The following DCP1B variants were observed in gnomAD, a reference collection of about 807,000 sequenced individuals.
DCP1B encodes mRNA-decapping enzyme 1B.
A neutral mutation model predicts 60.5 loss-of-function variants in DCP1B; 47 were observed. The observed-to-expected ratio is 0.78, with a 90% confidence interval of 0.61 to 0.99. The LOEUF is 0.99. DCP1B is among the 50% of genes least tolerant of loss of function. DCP1B has a pLI of 0.00. For missense variants in DCP1B, 725 were observed against 756.8 expected, an observed-to-expected ratio of 0.96 and a Z score of 0.49; for synonymous variants, 267 against 280.3, an observed-to-expected ratio of 0.95 and a Z score of 0.47.
At chr12:1,951,995 G>A (rs980345439) in intron 7 of DCP1B, among the ~76,000 whole-genome samples, 2 of 152,168 alleles carry the variant, frequency 1.3e-5, no homozygotes, top group East Asian at 1.9e-4. Flanking sequence ...AAAGGTTGGG[G>A]GAAGTTCTCA....
intron 3 of DCP1B, among the ~76,000 whole-genome samples, chr12:1,979,211 G>C (rs548439492): frequency 1.3e-5 from 2 of 152,128 alleles, no homozygotes; most frequent in South Asian, 4.2e-4. Flanking sequence ...ATGGGGTTTC[G>C]CCATGTTGGC....
chr12:1,974,056 C>G (rs994519396), intron 3 of DCP1B, among the ~76,000 whole-genome samples: 1 of 152,186 alleles, frequency 6.6e-6, no homozygotes, highest in Non-Finnish European at 1.5e-5. Context: ...CTCCACTAGA[C>G]TATAAGCTCC....
chr12:1,941,963 C>A (rs2030290574), downstream of DCP1B, among the ~76,000 whole-genome samples: 1 of 152,136 alleles, frequency 6.6e-6, no homozygotes, highest in Non-Finnish European at 1.5e-5. Flanking sequence ...TGTAAATGGG[C>A]TAAATGCCCC....
chr12:1,952,281 C>A, intron 7 of DCP1B, 135 bp downstream of exon 7: 2 of 1,108,590 alleles, frequency 1.8e-6, no homozygotes, highest in Admixed American at 3.3e-5. Flanking sequence ...TCAAGGGATC[C>A]TCCCACCTCA....
At chr12:1,944,473 C>G (rs982107086), downstream of DCP1B, among the ~76,000 whole-genome samples, 6 of 152,098 alleles carry the variant, frequency 3.9e-5, no homozygotes, top group African/African-American at 1.4e-4. Flanking sequence ...CCCGTATAGC[C>G]AAGACAATCC....
At chr12:1,944,387 C>T (rs1421958499), downstream of DCP1B, among the ~76,000 whole-genome samples, 2 of 152,148 alleles carry the variant, frequency 1.3e-5, no homozygotes, top group East Asian at 3.8e-4. Flanking sequence ...CAATGCTATC[C>T]CCATCAAGCT....
At chr12:1,941,741 C>G (rs972256897), downstream of DCP1B, among the ~76,000 whole-genome samples, 1 of 152,128 alleles carries the variant, frequency 6.6e-6, no homozygotes, top group Non-Finnish European at 1.5e-5. Context: ...TTCTAACAGT[C>G]AGGCCCCTCT....
intron 4 of DCP1B, 55 bp from the exon 5 acceptor site, chr12:1,965,748 T>G: frequency 6.4e-7 from 1 of 1,552,636 alleles, no homozygotes; most frequent in South Asian, 1.2e-5. Context: ...ACACAAACAA[T>G]GTTTAAAACC....
intron 3 of DCP1B, among the ~76,000 whole-genome samples, chr12:1,989,644 T>C (rs1593177663): frequency 6.6e-6 from 1 of 151,192 alleles, no homozygotes; most frequent in African/African-American, 2.4e-5. Context: ...ACTTGGGAGG[T>C]GGAGGCTGCA....
chr12:1,973,853 C>T (rs562306510), intron 3 of DCP1B, among the ~76,000 whole-genome samples: 1 of 152,276 alleles, frequency 6.6e-6, no homozygotes, highest in African/African-American at 2.4e-5. Context: ...TGAAAAATTT[C>T]AAAATCTCCT....
chr12:1,967,748 G>T, intron 4 of DCP1B, 96 bp downstream of exon 4: 2 of 994,950 alleles, frequency 2.0e-6, no homozygotes, highest in Non-Finnish European at 3.1e-6. Flanking sequence ...TGCTATGGGA[G>T]ATATATTCTG....
chr12:1,973,278 A>T (rs2033125394), intron 3 of DCP1B, among the ~76,000 whole-genome samples: 1 of 152,210 alleles, frequency 6.6e-6, no homozygotes, highest in Non-Finnish European at 1.5e-5. Flanking sequence ...TGGAAGGTTC[A>T]AAGCAGATGA....
chr12:2,001,119 T>C (rs2042112078), intron 1 of DCP1B, among the ~76,000 whole-genome samples: 1 of 152,126 alleles, frequency 6.6e-6, no homozygotes, highest in Non-Finnish European at 1.5e-5. Context: ...CTATGACACC[T>C]GGATAAAAGA....
At chr12:1,970,862 T>C in intron 3 of DCP1B, 1 of 296,038 alleles carries the variant, frequency 3.4e-6, no homozygotes, top group East Asian at 9.2e-5. Flanking sequence ...TTTTGTTTTG[T>C]TTTTTAGAAT....
chr12:2,004,136 C>T (rs1342784567), intron 1 of DCP1B, 146 bp downstream of exon 1: 2 of 1,204,404 alleles, frequency 1.7e-6, no homozygotes, highest in Admixed American at 4.5e-5. Flanking sequence ...ACCCCATCTC[C>T]ACAACTTCGG....
In DCP1B at chr12:1,971,950, G is replaced by T. The variant is rs1450486860; in HGVS notation, c.320-4040C>A. Among the ~76,000 whole-genome samples, 1 of 152,174 alleles carries T rather than the reference G, an allele frequency of 6.6e-6. No individual in the cohort carries two copies. Among genetic ancestry groups the T allele is most frequent in the Non-Finnish European group, 1.5e-5 (1 of 68,034 alleles). On this transcript the variant is annotated intron_variant, in intron 3 of 8. Coordinates refer to ENST00000280665, the MANE Select transcript of DCP1B (RefSeq NM_152640.5). The surrounding 1 kb of genome is among the most constrained non-coding windows in gnomAD (Gnocchi z 4.2). ...ATGTTTGTGTAAATTTTTAAAAGAA[G>T]ATATATATCCATTCAATTAGGAAGT...
chr12:1,946,281 A>G lies in DCP1B; in HGVS notation c.1779T>C (p.Asp593=), dbSNP rs2030418887. The G allele has an allele frequency of 5.0e-6, 8 of 1,599,930 alleles. 1 individual carries two copies. Among genetic ancestry groups the G allele is most frequent in the South Asian group, 2.3e-5 (2 of 87,404 alleles). Residue 593 remains aspartate, a synonymous_variant, in exon 9 of 9, where the codon GAT becomes GAC. Coordinates refer to ENST00000280665, the MANE Select transcript of DCP1B (RefSeq NM_152640.5). ...CATAGATTATATTTAAGAAGTTGTC[A>G]TCATTCTGGAAAACAAATCGAAAGA... ...QEALLYLIQN[D]DNFLNIIYEA...
Position 1,965,703 on chromosome 12 carries a change from CA to C in DCP1B, c.387-11del. On this transcript the variant is annotated splice_polypyrimidine_tract_variant and intron_variant, in intron 4 of 8. Coordinates refer to ENST00000280665, the MANE Select transcript of DCP1B (RefSeq NM_152640.5). ...TTCATACTGAGTTAGGCTAGAAAAA[CA>C]GAGGGGAAAATCCACACAAGAAAAG... 6.3e-7 allele frequency: 1 copy of C among 1,596,886 alleles called. No individual in the cohort carries two copies. Among genetic ancestry groups the C allele is most frequent in the Non-Finnish European group, 8.5e-7 (1 of 1,174,124 alleles).
intron 7 of DCP1B, among the ~76,000 whole-genome samples, chr12:1,949,538 G>A (rs2030579946): frequency 2.0e-5 from 3 of 152,316 alleles, no homozygotes; most frequent in South Asian, 2.1e-4. Flanking sequence ...CGTCTGCTGT[G>A]GGGACTATTC....
Sources: allele counts gnomAD v4.1 joint callset (sites outside exome capture counted in the v4.1 genomes callset), GRCh38; gene constraint gnomAD v4.1.1; non-coding constraint Gnocchi (gnomAD v3.1); transcripts MANE v1.5; gene names NCBI Gene and HGNC (gene_info 2026-07-23, HGNC 2026-07-21).